The following BRF1 variants were observed in gnomAD, a reference collection of about 807,000 sequenced individuals.
BRF1 encodes the protein transcription factor IIIB 90 kDa subunit.
Under a neutral mutation model 81.7 loss-of-function variants are expected in BRF1, and 59 were observed. The observed-to-expected ratio is 0.72, with a 90% CI of 0.59 to 0.90. The LOEUF (loss-of-function observed/expected upper bound fraction) is 0.90, where lower values mean the gene tolerates loss of function less well. Ranked by LOEUF, BRF1 falls within the 40% of genes least tolerant of loss-of-function variation. BRF1 has a pLI of 0.00. For missense variants in BRF1, 1,050 were observed against 936.3 expected (o/e 1.12, Z -1.58); for synonymous variants, 491 against 395.6 (o/e 1.24, Z -2.86).
At position 105,284,329 on chromosome 14, in the gene BRF1, A is replaced by C. The variant is rs924414047; in HGVS notation, c.265+1967T>G. ...TCCACAGCAGGACAAGGAAAAAAGC[A>C]CAAGGGAAGCGTAAGGATCCATCCA... is the stretch of plus-strand genomic sequence containing the variant. On this transcript the variant is annotated intron_variant, in intron 2 of 17. Transcript: ENST00000547530. The surrounding 1 kb of genome is among the most constrained non-coding windows in gnomAD (Gnocchi z 4.0). 6.6e-6 allele frequency among the ~76,000 whole-genome samples: 1 copy of C among 152,162 alleles called. No individual in the cohort carries two copies. The highest frequency in any genetic ancestry group is 2.4e-5 in the African/African-American group (1 of 41,438).
At chr14:105,225,926 G>A (rs2141553295) in intron 10 of BRF1, 143 bp downstream of exon 10, 2 of 842,292 alleles carry the variant, frequency 2.4e-6, no homozygotes, top group East Asian at 2.7e-5. Flanking sequence ...GATTACAGGC[G>A]TGAGCCACCC....
intron 11 of BRF1, among the ~76,000 whole-genome samples, chr14:105,221,078 G>C (rs1385582539): frequency 6.6e-6 from 1 of 152,256 alleles, no homozygotes; most frequent in Non-Finnish European, 1.5e-5. Flanking sequence ...TGCCCGACGG[G>C]AGGCAGGGCT....
In BRF1 at chr14:105,211,768, C is replaced by T. The variant is rs1890154246; in HGVS notation, c.1824+345G>A. On this transcript the variant is annotated intron_variant, in intron 16 of 17. Coordinates refer to ENST00000547530, the MANE Select transcript of BRF1 (RefSeq NM_001519.4). ...AACAAGTGACAGTCCAGGTGAAAGA[C>T]CCCTGAGCCCTGGAGGGCTGGGCCC... 3 of 424,752 alleles carry T rather than the reference C, an allele frequency of 7.1e-6. No individual in the cohort carries two copies. The South Asian group carries it at 7.5e-5, about 11-fold the overall frequency. The allele number at this position is 424,752 out of a possible 1,614,324, so 26.3% of individuals were successfully genotyped here.
intron 1 of BRF1, among the ~76,000 whole-genome samples, chr14:105,298,978 G>A (rs930118010): frequency 2.1e-4 from 32 of 152,040 alleles, no homozygotes; most frequent in African/African-American, 7.5e-4. Flanking sequence ...AGACCATCCT[G>A]GCTATCACAG....
intron 10 of BRF1, among the ~76,000 whole-genome samples, chr14:105,223,170 G>A (rs1032315763): frequency 1.3e-5 from 2 of 152,164 alleles, no homozygotes; most frequent in African/African-American, 2.4e-5. Context: ...TCCACTCTGG[G>A]TGACAGAGTA....
intron 6 of BRF1, 100 bp from the exon 7 acceptor site, chr14:105,229,013 A>T (rs1281626833): frequency 9.2e-7 from 1 of 1,084,860 alleles, no homozygotes; most frequent in East Asian, 2.4e-5. Context: ...CACGGAGATG[A>T]TGGCCTGAGA....
intron 10 of BRF1, chr14:105,222,198 A>G (rs1892386749): frequency 2.6e-6 from 1 of 382,324 alleles, no homozygotes; most frequent in African/African-American, 2.1e-5. Context: ...AAACATTTCT[A>G]ATGGTTCTAA....
At chr14:105,246,900 C>A in intron 5 of BRF1, 6 of 985,488 alleles carry the variant, frequency 6.1e-6, no homozygotes, top group Non-Finnish European at 7.2e-6. Context: ...CTGGCACCCC[C>A]GGAGACAGCT....
intron 1 of BRF1, among the ~76,000 whole-genome samples, chr14:105,293,772 G>A (rs944048161): frequency 1.3e-5 from 2 of 152,200 alleles, no homozygotes; most frequent in Admixed American, 6.5e-5. Context: ...GGTTTCCCCC[G>A]TGGGGCCTGG....
intron 15 of BRF1, among the ~76,000 whole-genome samples, chr14:105,213,588 C>T (rs927957877): frequency 3.3e-5 from 5 of 152,032 alleles, no homozygotes; most frequent in Admixed American, 6.5e-5. Context: ...ACAGGGAGAG[C>T]GGTGCTGTTA....
At position 105,272,053 on chromosome 14, in the gene BRF1, G is replaced by A. The variant is rs587723395; in HGVS notation, c.439+668C>T. 3.6e-3 allele frequency among the ~76,000 whole-genome samples: 135 copies of A among 37,566 alleles called. 4 individuals are homozygous for A. The highest frequency in any genetic ancestry group is 0.012 in the African/African-American group (105 of 8,608). 24.6% of individuals were successfully genotyped at this position (37,566 alleles called of 152,430 possible). A position where few individuals can be genotyped will look rare whatever the true frequency, so the allele number is the denominator to read the frequency against. ...AAGCTGCACACCGCTGAGGGTCGGC[G>A]GCCTCCCCGCCCACCGCCTGCAGTC... On this transcript the variant is annotated intron_variant, in intron 3 of 17. Coordinates refer to ENST00000547530, the MANE Select transcript of BRF1 (RefSeq NM_001519.4).
rs1892333416 is a variant in BRF1 at position 105,221,886 on chromosome 14, C to G, written c.1077G>C (p.Leu359Phe). 1 of 1,599,120 alleles carries G rather than the reference C, an allele frequency of 6.3e-7. No individual in the cohort carries two copies. The highest frequency in any genetic ancestry group is 1.3e-5 in the African/African-American group (1 of 74,610). ...DGSTEDTASS[L>F]CGEEDTEDEE... ...CGTCCTCTGTGTCCTCCTCGCCACA[C>G]AAGCTGGACGCGGTGTCCTCGGTGG... The change falls in exon 11 of 18, where the codon TTG (leucine) becomes TTC (phenylalanine). Residue 359 changes from leucine (L) to phenylalanine (F), a missense_variant. Coordinates refer to ENST00000547530, the MANE Select transcript of BRF1 (RefSeq NM_001519.4).
At chr14:105,293,940 G>A (rs1216340682) in intron 1 of BRF1, among the ~76,000 whole-genome samples, 1 of 152,242 alleles carries the variant, frequency 6.6e-6, no homozygotes, top group African/African-American at 2.4e-5. Context: ...CTTGGGACTA[G>A]AAAACGACAG....
rs1032395871 is a variant in BRF1, at chr14:105,269,758, C to T, written c.439+2963G>A. On this transcript the variant is annotated intron_variant, in intron 3 of 17. Transcript: ENST00000547530. This position sits in a 1 kb window ranked among gnomAD's most constrained non-coding sequence, Gnocchi z 5.0. ...CCCATGTCCCAGGGCATCTGTCCCC[C>T]CCACAGGAGGCCCAGTGAGGCAGCA... Among the ~76,000 whole-genome samples the T allele has an allele frequency of 6.6e-6, 1 of 152,190 alleles. No individual in the cohort carries two copies. The highest frequency in any genetic ancestry group is 2.4e-5 in the African/African-American group (1 of 41,444).
chr14:105,300,242 A>G (rs1204293022), intron 1 of BRF1, among the ~76,000 whole-genome samples: 1 of 152,006 alleles, frequency 6.6e-6, no homozygotes, highest in Non-Finnish European at 1.5e-5. Context: ...GAGGAAGTCC[A>G]CGCACGCCAC....
At position 105,219,071 on chromosome 14, in the gene BRF1, G is replaced by C. The variant is rs1891812233; in HGVS notation, c.1460-18C>G. 2 of 1,613,922 alleles carry C rather than the reference G, an allele frequency of 1.2e-6. No individual in the cohort carries two copies. Among genetic ancestry groups the C allele is most frequent in the Non-Finnish European group, 1.7e-6 (2 of 1,179,998 alleles). ...TTCTTTTTCTAAAAGTTCAGAAAGG[G>C]GGCCAGCGTCACTGAGGGCCCACGC... On this transcript the variant is annotated intron_variant, in intron 13 of 17. Transcript: ENST00000547530.
rs146194203 is a variant in BRF1 at position 105,228,930 on chromosome 14, C to T, written c.695-17G>A. 3,372 of 1,612,332 alleles carry T rather than the reference C, an allele frequency of 2.1e-3. 23 individuals carry two copies. Among genetic ancestry groups the T allele is most frequent in the African/African-American group, 0.014 (1,035 of 75,032 alleles). ...CCAGGAGCGCTGGAAGGCAACGAGA[C>T]GGGCCTCGTCAACCACGGCTGGGAA... On this transcript the variant is annotated splice_polypyrimidine_tract_variant and intron_variant, in intron 6 of 17. Transcript: ENST00000547530.
intron 5 of BRF1, chr14:105,247,090 C>T (rs2055173341): frequency 1.2e-5 from 12 of 985,458 alleles, no homozygotes; most frequent in East Asian, 1.1e-4. Flanking sequence ...TGGAAACAGA[C>T]GGCTGGGACA....
Position 105,219,635 on chromosome 14 carries a change from T to G in BRF1, c.1378-403A>C, listed in dbSNP as rs1162705715. The G allele has an allele frequency of 7.5e-6, 3 of 399,840 alleles. No homozygotes were observed. The East Asian group carries it at 1.3e-4, about 17-fold the overall frequency. The allele number at this position is 399,840 out of a possible 1,614,324, so 24.8% of individuals were successfully genotyped here. The stretch of plus-strand genomic sequence containing the variant: ...GGCCATGAAATCAGGGAAGACGACT[T>G]CCTGCCTGACAGAGGGCAAGTATAT... On this transcript the variant is annotated intron_variant, in intron 12 of 17. Transcript: ENST00000547530.
Sources: allele counts gnomAD v4.1 joint callset (sites outside exome capture counted in the v4.1 genomes callset), GRCh38; gene constraint gnomAD v4.1.1; non-coding constraint Gnocchi (gnomAD v3.1); transcripts MANE v1.5; gene names NCBI Gene and HGNC (gene_info 2026-07-23, HGNC 2026-07-21).